The following SLC14A2 variants were observed in gnomAD, a reference collection of about 807,000 sequenced individuals.
SLC14A2 encodes urea transporter 2.
Under a neutral mutation model 104.6 loss-of-function variants are expected in SLC14A2, and 91 were observed. That is an observed-to-expected ratio of 0.87 (90% confidence interval 0.73 to 1.04). SLC14A2 has a LOEUF of 1.04. SLC14A2 is among the 50% of genes least tolerant of loss of function. The pLI is 0.00. For missense variants in SLC14A2, 1,189 were observed against 1,156.0 expected, an observed-to-expected ratio of 1.03 and a Z score of -0.41; for synonymous variants, 476 against 466.4, an observed-to-expected ratio of 1.02 and a Z score of -0.27.
At chr18:45,533,723 T>C (rs2043737308) in intron 2 of SLC14A2, among the ~76,000 whole-genome samples, 1 of 152,204 alleles carries the variant, frequency 6.6e-6, no homozygotes, top group Admixed American at 6.5e-5. Context: ...ATCTTAGTTA[T>C]TTCTTGCCTT....
rs144288616 is a variant in SLC14A2, at chr18:45,357,477, TG to T, written c.-124-125754del. ...AGTGTTTTAAAAAGTTAGCTGGGCG[TG>T]GTGGCACATGCGTGAGCCCAGGAAT... is the stretch of plus-strand genomic sequence containing the variant. On this transcript the variant is annotated intron_variant, in intron 1 of 20. Transcript: ENST00000586448. 9.2e-5 allele frequency among the ~76,000 whole-genome samples: 14 copies of T among 152,070 alleles called. No homozygotes were observed. The East Asian group carries it at 2.5e-3, about 27-fold the overall frequency.
At chr18:45,571,209 G>A (rs2044340779) in intron 2 of SLC14A2, among the ~76,000 whole-genome samples, 1 of 152,214 alleles carries the variant, frequency 6.6e-6, no homozygotes, top group African/African-American at 2.4e-5. Context: ...CATAAATAAC[G>A]GAGGCCAGGA....
intron 10 of SLC14A2, among the ~76,000 whole-genome samples, chr18:45,662,001 T>G (rs1028936260): frequency 3.3e-5 from 5 of 152,138 alleles, no homozygotes; most frequent in African/African-American, 1.2e-4. Flanking sequence ...TGTGTAAACT[T>G]TCAGCATAAA....
chr18:45,636,002 T>G (rs2045411490), intron 5 of SLC14A2, among the ~76,000 whole-genome samples: 1 of 152,190 alleles, frequency 6.6e-6, no homozygotes, highest in African/African-American at 2.4e-5. Flanking sequence ...CTTTCTCATC[T>G]TGTCACTTCT....
chr18:45,573,961 T>A (rs866582449), intron 2 of SLC14A2, among the ~76,000 whole-genome samples: 1 of 152,196 alleles, frequency 6.6e-6, no homozygotes, highest in African/African-American at 2.4e-5. Context: ...GCAAACTGGA[T>A]TAGAGAAAAA....
intron 2 of SLC14A2, among the ~76,000 whole-genome samples, chr18:45,595,763 G>A (rs1431060032): frequency 6.6e-6 from 1 of 152,132 alleles, no homozygotes; most frequent in Admixed American, 6.5e-5. Flanking sequence ...TAGGTACTCA[G>A]CGGCAGCCTT....
intron 1 of SLC14A2, among the ~76,000 whole-genome samples, chr18:45,274,656 G>A (rs2084684201): frequency 6.6e-6 from 1 of 152,150 alleles, no homozygotes; most frequent in Non-Finnish European, 1.5e-5. Context: ...GTCTGGGTTG[G>A]GACTACCACA....
chr18:45,538,105 G>A (rs748131636), intron 2 of SLC14A2, among the ~76,000 whole-genome samples: 11 of 152,186 alleles, frequency 7.2e-5, no homozygotes, highest in Admixed American at 2.6e-4. Context: ...CAAAAGCTCA[G>A]TGCCCTTCCA....
chr18:45,252,875 A>G (rs1449374083), intron 1 of SLC14A2, among the ~76,000 whole-genome samples: 1 of 150,112 alleles, frequency 6.7e-6, no homozygotes, highest in East Asian at 1.9e-4. Flanking sequence ...GCTGGGATAG[A>G]ACAAAAGTCA....
chr18:45,523,279 C>T (rs982541547), intron 2 of SLC14A2, among the ~76,000 whole-genome samples: 2 of 151,858 alleles, frequency 1.3e-5, no homozygotes, highest in Admixed American at 6.5e-5. Context: ...AAAGACAGGT[C>T]GCCCAGGGCA....
intron 1 of SLC14A2, chr18:45,440,311 G>C (rs914544547): frequency 4.6e-5 from 7 of 151,904 alleles, no homozygotes; most frequent in African/African-American, 1.7e-4. Flanking sequence ...AACCCCATGT[G>C]GCTGTCCTCT....
chr18:45,189,410 A>T, the SLC14A2 span, among the ~76,000 whole-genome samples: 2 of 152,244 alleles, frequency 1.3e-5, no homozygotes, highest in Non-Finnish European at 2.9e-5. Context: ...TTGTTACAAT[A>T]CACCAATAAG....
chr18:45,258,738 T>G (rs2084505582), intron 1 of SLC14A2, among the ~76,000 whole-genome samples: 1 of 120,712 alleles, frequency 8.3e-6, no homozygotes, highest in Non-Finnish European at 1.8e-5. Context: ...AGTTTGTAAA[T>G]GCTTTGACCA....
At chr18:45,533,381 T>C (rs2043730045) in intron 2 of SLC14A2, among the ~76,000 whole-genome samples, 1 of 152,206 alleles carries the variant, frequency 6.6e-6, no homozygotes, top group Admixed American at 6.5e-5. Context: ...TCAGAGCCTG[T>C]TATTGGCCTA....
intron 1 of SLC14A2, among the ~76,000 whole-genome samples, chr18:45,239,954 T>G (rs1326138612): frequency 6.7e-6 from 1 of 149,828 alleles, no homozygotes; most frequent in Non-Finnish European, 1.5e-5. Context: ...ATTTGATTCT[T>G]TTTTTATGGC....
At chr18:45,499,453 G>C (rs954305252) in intron 2 of SLC14A2, among the ~76,000 whole-genome samples, 2 of 152,124 alleles carry the variant, frequency 1.3e-5, no homozygotes, top group African/African-American at 4.8e-5. Flanking sequence ...CTGATCCCAG[G>C]ATTCTCATCC....
intron 1 of SLC14A2, among the ~76,000 whole-genome samples, chr18:45,319,565 G>A (rs1276141159): frequency 1.3e-5 from 2 of 152,216 alleles, no homozygotes; most frequent in African/African-American, 2.4e-5. Context: ...CATTAGCCTA[G>A]CACATGTCTA....
intron 2 of SLC14A2, among the ~76,000 whole-genome samples, chr18:45,589,495 C>T (rs1599036906): frequency 6.6e-6 from 1 of 152,038 alleles, no homozygotes; most frequent in East Asian, 1.9e-4. Flanking sequence ...ATATGGAATT[C>T]TCATAGGACA....
At chr18:45,177,281 A>T in the SLC14A2 span, among the ~76,000 whole-genome samples, 1 of 152,086 alleles carries the variant, frequency 6.6e-6, no homozygotes, top group African/African-American at 2.4e-5. Flanking sequence ...TGACACCCTA[A>T]TTCATGTTCT....
Sources: allele counts gnomAD v4.1 joint callset (sites outside exome capture counted in the v4.1 genomes callset), GRCh38; gene constraint gnomAD v4.1.1; transcripts MANE v1.5; gene names NCBI Gene and HGNC (gene_info 2026-07-23, HGNC 2026-07-21).